The following TMTC4 variants were observed in gnomAD, a reference collection of about 807,000 sequenced individuals.
TMTC4 encodes transmembrane O-mannosyltransferase targeting cadherins 4, also known as protein O-mannosyl-transferase TMTC4.
A neutral mutation model predicts 86.0 loss-of-function variants in TMTC4; 65 were observed. The ratio of observed to expected loss-of-function variants is 0.76; its 90% CI spans 0.62 to 0.93. The LOEUF (loss-of-function observed/expected upper bound fraction) is 0.93. Ranked by LOEUF, TMTC4 falls within the 40% of genes least tolerant of loss-of-function variation. The probability of loss-of-function intolerance (pLI) is 0.00; values close to 1 mark genes in which losing one functional copy is unlikely to be tolerated. For synonymous variants in TMTC4, 379 were observed against 382.5 expected, an observed-to-expected ratio of 0.99 and a Z score of 0.11; for missense variants, 866 against 948.1, an observed-to-expected ratio of 0.91 and a Z score of 1.14.
intron 17 of TMTC4, 92 bp downstream of exon 17, chr13:100,612,306 G>T: frequency 9.7e-7 from 1 of 1,032,492 alleles, no homozygotes; most frequent in South Asian, 1.6e-5. Flanking sequence ...GTTTTGGCCT[G>T]ATTCCTAATT....
At chr13:100,645,577 C>T (rs1273740592) in intron 6 of TMTC4, among the ~76,000 whole-genome samples, 1 of 151,968 alleles carries the variant, frequency 6.6e-6, no homozygotes, top group Non-Finnish European at 1.5e-5. Context: ...TGCACCTCTC[C>T]ATGTCCCTGA....
intron 6 of TMTC4, among the ~76,000 whole-genome samples, chr13:100,648,255 CT>C (rs1883995752): frequency 6.6e-6 from 1 of 151,872 alleles, no homozygotes; most frequent in Non-Finnish European, 1.5e-5. Context: ...CTAATGAGTG[CT>C]TGAAATGTAT....
At chr13:100,629,905 G>A (rs9518109) in intron 12 of TMTC4, among the ~76,000 whole-genome samples, 27,992 of 152,026 alleles carry the variant, frequency 0.18, 2,872 homozygotes, top group Admixed American at 0.24. Flanking sequence ...GGAAGGTGCC[G>A]TCTGCAAGCT....
intron 1 of TMTC4, chr13:100,674,388 C>T: frequency 1.1e-6 from 1 of 950,762 alleles, no homozygotes; most frequent in Middle Eastern, 5.4e-4. Flanking sequence ...GCCGCAGGCG[C>T]CGGGTGCGCC....
At position 100,626,248 on chromosome 13, in the gene TMTC4, C is replaced by T. The variant is rs575227729; in HGVS notation, c.1507-98G>A. On this transcript the variant is annotated intron_variant, in intron 12 of 18. Transcript: ENST00000342624. ...TAACTGAAGACAAAAGGTAAAGCGA[C>T]GAGGAAAAAAAATCACCCACCAGAA... is the stretch of plus-strand genomic sequence containing the variant. 39 of 1,303,172 alleles carry T rather than the reference C, an allele frequency of 3.0e-5. No individual in the cohort carries two copies. The East Asian group carries it at 4.2e-4, about 14-fold the overall frequency. 80.7% of individuals were successfully genotyped at this position (1,303,172 alleles called of 1,614,324 possible).
At chr13:100,650,847 C>G (rs1043389512) in intron 6 of TMTC4, among the ~76,000 whole-genome samples, 1 of 152,190 alleles carries the variant, frequency 6.6e-6, no homozygotes, top group Non-Finnish European at 1.5e-5. Context: ...ATTTTATAAG[C>G]AGTGTGATTC....
intron 3 of TMTC4, among the ~76,000 whole-genome samples, chr13:100,668,054 C>T (rs1182158339): frequency 6.6e-6 from 1 of 152,172 alleles, no homozygotes; most frequent in South Asian, 2.1e-4. Flanking sequence ...GGAACTGCAG[C>T]GCCCATGGGC....
At chr13:100,642,970 C>T (rs1883224173) in intron 6 of TMTC4, among the ~76,000 whole-genome samples, 1 of 152,136 alleles carries the variant, frequency 6.6e-6, no homozygotes, top group South Asian at 2.1e-4. Flanking sequence ...CAACAAGAAG[C>T]CAAAACATCC....
Position 100,625,607 on chromosome 13 carries a change from T to C in TMTC4, c.1764A>G (p.Ala588=), listed in dbSNP as rs1450285448. Residue 588 remains alanine, a synonymous_variant, in exon 15 of 19, where the codon GCA becomes GCG. Transcript: ENST00000342624. The stretch of plus-strand genomic sequence containing the variant: ...TAATTGCTGTCCGGTAACTTTGCTC[T>C]GCTGCTTCAAACCGTTTCAGGCTAT... ...VQNSLKRFEA[A]EQSYRTAIKH... is the part of the protein sequence containing the mutation. 2 of 1,614,230 alleles carry C rather than the reference T, an allele frequency of 1.2e-6. No individual in the cohort carries two copies. The highest frequency in any genetic ancestry group is 8.5e-7 in the Non-Finnish European group (1 of 1,180,052).
chr13:100,641,481 C>T (rs138311133), intron 7 of TMTC4, among the ~76,000 whole-genome samples: 2 of 151,610 alleles, frequency 1.3e-5, no homozygotes, highest in African/African-American at 4.8e-5. Flanking sequence ...TCTTTTCCTT[C>T]TTTCTTTTTT....
Position 100,625,808 on chromosome 13 carries a change from C to A in TMTC4, c.1671G>T (p.Leu557=). ...ACTGTATTTGAACAGCCAAAGACAGCAGCTCCTCAGCTTCCTGTAGCTCAT... is the reference window on the plus strand; with the variant it reads ...ACTGTATTTGAACAGCCAAAGACAGAAGCTCCTCAGCTTCCTGTAGCTCAT... ...ERNELQEAEE[L]LSLAVQIQPD... The change falls in exon 14 of 19, where the codon CTG becomes CTT. Residue 557 remains leucine (L), a synonymous_variant. Coordinates refer to ENST00000342624, the MANE Select transcript of TMTC4 (RefSeq NM_032813.5). The A allele has an allele frequency of 1.9e-6, 3 of 1,613,740 alleles. No individual in the cohort carries two copies. The highest frequency in any genetic ancestry group is 2.5e-6 in the Non-Finnish European group (3 of 1,180,006).
intron 12 of TMTC4, among the ~76,000 whole-genome samples, chr13:100,627,448 A>G (rs1198240922): frequency 6.6e-6 from 1 of 152,144 alleles, no homozygotes; most frequent in Admixed American, 6.5e-5. Context: ...GGCTGAGGGA[A>G]GAGACTGCTC....
At chr13:100,667,554 C>T (rs540143652) in intron 3 of TMTC4, among the ~76,000 whole-genome samples, 1 of 152,272 alleles carries the variant, frequency 6.6e-6, no homozygotes, top group South Asian at 2.1e-4. Flanking sequence ...ATGTTGCCCC[C>T]ATACAATACA....
chr13:100,649,241 C>A (rs1884126884), intron 6 of TMTC4, among the ~76,000 whole-genome samples: 1 of 152,182 alleles, frequency 6.6e-6, no homozygotes, highest in Non-Finnish European at 1.5e-5. Flanking sequence ...GAAAAACTAG[C>A]TCTGAGTGTT....
At chr13:100,674,056 A>T in intron 1 of TMTC4, 1 of 985,138 alleles carries the variant, frequency 1.0e-6, no homozygotes, top group Non-Finnish European at 1.2e-6. Context: ...TAGCCACAAC[A>T]TCAACAAGAC....
At position 100,646,822 on chromosome 13, in the gene TMTC4, C is replaced by T. The variant is rs188873803; in HGVS notation, c.641-4511G>A. On this transcript the variant is annotated intron_variant, in intron 6 of 18. Transcript: ENST00000342624. ...TAAGGAGCCACAACAACAACAAAACCCTGTTAAATTACACATAATTCCAAT... is the reference window on the plus strand; with the variant it reads ...TAAGGAGCCACAACAACAACAAAACTCTGTTAAATTACACATAATTCCAAT... Among the ~76,000 whole-genome samples, 178 of 152,192 alleles carry T rather than the reference C, an allele frequency of 1.2e-3. 1 individual carries two copies. The Middle Eastern group carries it at 0.017, about 15-fold the overall frequency.
intron 1 of TMTC4, chr13:100,674,094 T>C (rs1887499586): frequency 1.0e-6 from 1 of 984,522 alleles, no homozygotes; most frequent in Non-Finnish European, 1.2e-6. Context: ...TCGCAGGAGG[T>C]GGGCAGTGGC....
intron 5 of TMTC4, among the ~76,000 whole-genome samples, chr13:100,657,422 T>A (rs542490768): frequency 2.6e-5 from 4 of 152,364 alleles, no homozygotes; most frequent in Non-Finnish European, 4.4e-5. Flanking sequence ...TTTCCCACAT[T>A]TTCCACATGG....
chr13:100,635,302 T>A (rs749896764), intron 10 of TMTC4, 107 bp from the exon 11 acceptor site: 2 of 1,208,038 alleles, frequency 1.7e-6, no homozygotes, highest in Non-Finnish European at 2.3e-6. Flanking sequence ...TTCCATGGCA[T>A]CAACTGAGAA....
Sources: gnomAD v4.1 joint callset for allele counts (sites outside exome capture counted in the v4.1 genomes callset) on GRCh38, gnomAD v4.1.1 for gene constraint, MANE v1.5 for transcripts, NCBI Gene and HGNC (gene_info 2026-07-23, HGNC 2026-07-21) for gene names.